RGP1: variants seen among roughly 807,000 people sequenced by gnomAD.
RGP1 encodes the protein RAB6A-GEF complex partner protein 2.
A neutral mutation model predicts 44.5 loss-of-function variants in RGP1; 28 were observed. That is an observed-to-expected ratio of 0.63 (90% CI 0.47 to 0.86). The LOEUF (loss-of-function observed/expected upper bound fraction) is 0.86, where lower values mean the gene tolerates loss of function less well. Ranked by LOEUF, RGP1 falls within the 40% of genes least tolerant of loss-of-function variation. RGP1 has a pLI of 0.00. For missense variants in RGP1, 417 were observed against 490.7 expected, an observed-to-expected ratio of 0.85 and a Z score of 1.42; for synonymous variants, 212 against 196.7, an observed-to-expected ratio of 1.08 and a Z score of -0.65.
downstream of RGP1, among the ~76,000 whole-genome samples, chr9:35,762,458 C>T (rs1827426670): frequency 6.6e-6 from 1 of 152,078 alleles, no homozygotes; most frequent in Non-Finnish European, 1.5e-5. Flanking sequence ...GCACAAGGGT[C>T]GGATGAGGTT....
At chr9:35,770,095 A>C in the RGP1 span, among the ~76,000 whole-genome samples, 18 of 152,206 alleles carry the variant, frequency 1.2e-4, no homozygotes, top group Non-Finnish European at 4.4e-5. Context: ...ATTGTTAATT[A>C]GTCCAGATGA....
the RGP1 span, among the ~76,000 whole-genome samples, chr9:35,778,735 C>A: frequency 2.0e-5 from 3 of 152,204 alleles, no homozygotes; most frequent in Non-Finnish European, 4.4e-5. Context: ...TGTTTGCTTT[C>A]TCTTAAGCCC....
the RGP1 span, among the ~76,000 whole-genome samples, chr9:35,763,620 G>T: frequency 1.3e-5 from 2 of 152,210 alleles, 1 homozygote; most frequent in South Asian, 4.1e-4. Context: ...GATGGCTCAC[G>T]CCTGTAATCC....
downstream of RGP1, among the ~76,000 whole-genome samples, chr9:35,761,540 G>A (rs896413206): frequency 2.0e-5 from 3 of 152,040 alleles, no homozygotes; most frequent in African/African-American, 7.2e-5. Context: ...CAGGTGTGGT[G>A]GTGCACTCCC....
the RGP1 span, among the ~76,000 whole-genome samples, chr9:35,773,172 T>C: frequency 6.6e-6 from 1 of 152,086 alleles, no homozygotes; most frequent in Non-Finnish European, 1.5e-5. Context: ...GAGGATCACT[T>C]GAGCCCAGGA....
chr9:35,753,838 G>A lies in RGP1; in HGVS notation c.*964G>A, dbSNP rs1048485593. 6.5e-7 allele frequency: 1 copy of A among 1,534,346 alleles called. No individual in the cohort carries two copies. Among genetic ancestry groups the A allele is most frequent in the South Asian group, 1.1e-5 (1 of 87,378 alleles). On this transcript the variant is annotated 3_prime_UTR_variant, in exon 9 of 9. Coordinates refer to ENST00000378078, the MANE Select transcript of RGP1 (RefSeq NM_001080496.3). The surrounding 1 kb of genome is among the most constrained non-coding windows in gnomAD (Gnocchi z 4.2). Reference sequence around the variant, plus strand: ...AGAGGCAGAGGCTCTTCTGGTCTGGGGTGGAGACAGTAAGTACGCACTATC... The same window carrying A: ...AGAGGCAGAGGCTCTTCTGGTCTGGAGTGGAGACAGTAAGTACGCACTATC...
the RGP1 span, among the ~76,000 whole-genome samples, chr9:35,776,653 AAG>A: frequency 6.6e-6 from 1 of 151,990 alleles, no homozygotes; most frequent in Non-Finnish European, 1.5e-5. Context: ...GCCCTCAAGG[AAG>A]AGTCTAAGTC....
chr9:35,768,732 G>C, the RGP1 span, among the ~76,000 whole-genome samples: 1 of 152,166 alleles, frequency 6.6e-6, no homozygotes, highest in South Asian at 2.1e-4. Flanking sequence ...ACTTCCTCAA[G>C]GGTTGCAACT....
Position 35,756,419 on chromosome 9 carries a change from T to G in RGP1, c.*3545T>G, listed in dbSNP as rs1827359242. 6.6e-6 allele frequency: 1 copy of G among 152,342 alleles called. No individual in the cohort carries two copies. Among genetic ancestry groups the G allele is most frequent in the Admixed American group, 6.5e-5 (1 of 15,286 alleles). 9.4% of individuals were successfully genotyped at this position (152,342 alleles called of 1,614,324 possible). A position where few individuals can be genotyped will look rare whatever the true frequency, so the allele number is the denominator to read the frequency against. On this transcript the variant is annotated 3_prime_UTR_variant, in exon 9 of 9. Transcript: ENST00000378078. ...AGGAGACAGCTAAGGTGGATGGAGA[T>G]GCAGAATGGACCTCACGTTCGCCCT...
the RGP1 span, among the ~76,000 whole-genome samples, chr9:35,783,149 T>C: frequency 6.6e-6 from 1 of 152,162 alleles, no homozygotes; most frequent in Non-Finnish European, 1.5e-5. Context: ...TCAACGTAGC[T>C]GAAGTATTTT....
Position 35,752,970 on chromosome 9 carries a change from G to T in RGP1, c.*96G>T, listed in dbSNP as rs1002918738. 3.1e-5 allele frequency: 47 copies of T among 1,523,948 alleles called. No individual in the cohort carries two copies. The South Asian group carries it at 4.1e-4, about 13-fold the overall frequency. The allele number at this position is 1,523,948 out of a possible 1,614,324, so 94.4% of individuals were successfully genotyped here. ...CTTTTTCCACCTGGGGTCCAATGTC[G>T]TGGACAGTGAGAGTCGGGCTTTCAG... On this transcript the variant is annotated 3_prime_UTR_variant, in exon 9 of 9. Transcript: ENST00000378078.
the RGP1 span, among the ~76,000 whole-genome samples, chr9:35,778,050 A>C: frequency 6.6e-6 from 1 of 152,208 alleles, no homozygotes; most frequent in Admixed American, 6.5e-5. Context: ...CTGTAATCCC[A>C]GCGCTTTGGG....
the RGP1 span, among the ~76,000 whole-genome samples, chr9:35,770,946 T>C: frequency 6.6e-6 from 1 of 152,240 alleles, no homozygotes; most frequent in Admixed American, 6.5e-5. Flanking sequence ...TATTATATCT[T>C]CAGGGTAAAC....
the RGP1 span, among the ~76,000 whole-genome samples, chr9:35,764,989 G>A: frequency 6.6e-6 from 1 of 152,232 alleles, no homozygotes; most frequent in Non-Finnish European, 1.5e-5. Context: ...AGCCAGGCGT[G>A]GTGGTGCACA....
chr9:35,763,180 T>C (rs1028755344), downstream of RGP1, among the ~76,000 whole-genome samples: 3 of 152,258 alleles, frequency 2.0e-5, no homozygotes, highest in Non-Finnish European at 2.9e-5. Context: ...ATATTATATA[T>C]ACTGTTGCCA....
the RGP1 span, among the ~76,000 whole-genome samples, chr9:35,776,293 CTT>C: frequency 2.1e-5 from 3 of 143,016 alleles, no homozygotes. Context: ...CCTTCTTCTT[CTT>C]TTTTTTTTTT....
the RGP1 span, among the ~76,000 whole-genome samples, chr9:35,785,222 G>T: frequency 6.6e-6 from 1 of 152,130 alleles, no homozygotes; most frequent in East Asian, 1.9e-4. Context: ...AGTACATAAG[G>T]AAGTTCAGGG....
chr9:35,785,420 C>CTT, the RGP1 span, among the ~76,000 whole-genome samples: 11 of 111,246 alleles, frequency 9.9e-5, no homozygotes, highest in Non-Finnish European at 1.8e-4. Flanking sequence ...AGCAGCTGGG[C>CTT]TTTTTTTTTT....
chr9:35,761,507 C>CA (rs1827415863), downstream of RGP1, among the ~76,000 whole-genome samples: 1 of 151,946 alleles, frequency 6.6e-6, no homozygotes, highest in South Asian at 2.1e-4. Context: ...CCTGTCTCTA[C>CA]AAAAAAGAAT....
Sources: gnomAD v4.1 joint callset for allele counts (sites outside exome capture counted in the v4.1 genomes callset) on GRCh38, gnomAD v4.1.1 for gene constraint, Gnocchi (gnomAD v3.1) non-coding constraint, MANE v1.5 for transcripts, NCBI Gene and HGNC (gene_info 2026-07-23, HGNC 2026-07-21) for gene names.